The following OLFM3 variants were observed in gnomAD, a reference collection of about 807,000 sequenced individuals.
OLFM3 encodes the protein noelin-3.
OLFM3 carries 20 observed loss-of-function variants against 48.6 expected under a neutral mutation model. That is an observed-to-expected ratio of 0.41 (90% CI 0.29 to 0.60). OLFM3 has a LOEUF of 0.60. Ranked by LOEUF, OLFM3 falls within the 20% of genes least tolerant of loss-of-function variation. The pLI is 0.28. For missense variants in OLFM3, 437 were observed against 544.3 expected (o/e 0.80, Z 1.96); for synonymous variants, 222 against 198.1 (o/e 1.12, Z -1.01).
At chr1:101,913,740 T>C (rs780701544) in intron 1 of OLFM3, among the ~76,000 whole-genome samples, 11 of 151,370 alleles carry the variant, frequency 7.3e-5, no homozygotes, top group Non-Finnish European at 1.2e-4. Context: ...CTGATATCCC[T>C]GAGGCCATTA....
intron 1 of OLFM3, among the ~76,000 whole-genome samples, chr1:101,867,709 T>A (rs1466429615): frequency 6.6e-6 from 1 of 152,212 alleles, no homozygotes; most frequent in African/African-American, 2.4e-5. Context: ...ATTTAATTTA[T>A]AAATATTTCA....
At chr1:101,929,188 G>A (rs1659369117) in intron 1 of OLFM3, among the ~76,000 whole-genome samples, 1 of 152,044 alleles carries the variant, frequency 6.6e-6, no homozygotes, top group Non-Finnish European at 1.5e-5. Flanking sequence ...AATCATTCTG[G>A]CACTGTAAAA....
At chr1:101,913,198 C>G (rs1002158751) in intron 1 of OLFM3, among the ~76,000 whole-genome samples, 5 of 152,134 alleles carry the variant, frequency 3.3e-5, no homozygotes, top group Non-Finnish European at 5.9e-5. Flanking sequence ...TCTTCCCTCT[C>G]ATGAAAGGCT....
rs766764454 is a variant in OLFM3, at chr1:101,830,771, G to A, written c.273C>T (p.Phe91=). ...EVLNLRTQRD[F]QYVLKMETQM... ...GGGTTTCCATTTTTAAAACATATTG[G>A]AAATCTCTCTGAGTTCTCAAGTTTA... is the stretch of plus-strand genomic sequence containing the variant. Residue 91 remains phenylalanine, a synonymous_variant, in exon 3 of 6, where the codon TTC becomes TTT. Coordinates refer to ENST00000370103, the MANE Select transcript of OLFM3 (RefSeq NM_058170.4). 1 of 1,613,864 alleles carries A rather than the reference G, an allele frequency of 6.2e-7. No homozygotes were observed. The highest frequency in any genetic ancestry group is 1.1e-5 in the South Asian group (1 of 91,080).
intron 2 of OLFM3, 148 bp from the exon 3 acceptor site, chr1:101,830,975 T>C: frequency 1.6e-6 from 1 of 638,106 alleles, no homozygotes; most frequent in East Asian, 2.8e-5. Flanking sequence ...AGAAGAACAA[T>C]TCTTCATTAT....
At chr1:101,860,099 T>C (rs1656591726) in intron 1 of OLFM3, 1 of 151,962 alleles carries the variant, frequency 6.6e-6, no homozygotes, top group Admixed American at 6.6e-5. Flanking sequence ...CAAAGTGGGG[T>C]TGCGGGAAAG....
At chr1:101,922,352 A>T (rs1659124619) in intron 1 of OLFM3, among the ~76,000 whole-genome samples, 1 of 152,306 alleles carries the variant, frequency 6.6e-6, no homozygotes, top group East Asian at 1.9e-4. Flanking sequence ...TAGGAGTATA[A>T]CCAAGACTCA....
chr1:101,991,680 T>G (rs1661417219), intron 1 of OLFM3, among the ~76,000 whole-genome samples: 1 of 150,956 alleles, frequency 6.6e-6, no homozygotes, highest in African/African-American at 2.4e-5. Context: ...AATAAAATAC[T>G]TATGGCTGAA....
At chr1:101,978,265 T>C (rs1661008741) in intron 1 of OLFM3, among the ~76,000 whole-genome samples, 1 of 152,128 alleles carries the variant, frequency 6.6e-6, no homozygotes, top group African/African-American at 2.4e-5. Context: ...CAAGAAGTTA[T>C]TTATTATGAT....
chr1:101,832,105 A>AT (rs1282092374), intron 2 of OLFM3, among the ~76,000 whole-genome samples: 1 of 152,112 alleles, frequency 6.6e-6, no homozygotes, highest in African/African-American at 2.4e-5. Context: ...GTTTCATCAC[A>AT]TTGATGACTA....
At chr1:101,809,307 T>C (rs1356035544) in intron 4 of OLFM3, among the ~76,000 whole-genome samples, 2 of 151,744 alleles carry the variant, frequency 1.3e-5, no homozygotes, top group East Asian at 1.9e-4. Context: ...TAAGAGTAAA[T>C]TGAAATGGAA....
chr1:101,956,012 G>A (rs1660277169), intron 1 of OLFM3, among the ~76,000 whole-genome samples: 1 of 149,814 alleles, frequency 6.7e-6, no homozygotes, highest in Admixed American at 6.6e-5. Context: ...TACATTACTG[G>A]TCACCAAATT....
chr1:101,943,202 A>C (rs1171132777), intron 1 of OLFM3, among the ~76,000 whole-genome samples: 1 of 152,222 alleles, frequency 6.6e-6, no homozygotes, highest in East Asian at 1.9e-4. Context: ...TGTCTTAAAT[A>C]ATCCGGATGA....
At chr1:101,814,868 T>G (rs1170896573) in intron 4 of OLFM3, among the ~76,000 whole-genome samples, 1 of 152,186 alleles carries the variant, frequency 6.6e-6, no homozygotes, top group African/African-American at 2.4e-5. Flanking sequence ...AAATAATAGC[T>G]ATTATTATTG....
In OLFM3 at chr1:101,827,681, T is replaced by G. The variant is rs180991881; in HGVS notation, c.373-2436A>C. Among the ~76,000 whole-genome samples, 16 of 152,340 alleles carry G rather than the reference T, an allele frequency of 1.1e-4. No homozygotes were observed. In the East Asian group the frequency reaches 2.3e-3, roughly 22 times the overall value. On this transcript the variant is annotated intron_variant, in intron 3 of 5. Coordinates refer to ENST00000370103, the MANE Select transcript of OLFM3 (RefSeq NM_058170.4). ...ATGTTGAGCACCTAATTATTATTATTTGTAATTCAGAGACCTAAAGTCTAC... is the reference window on the plus strand; with the variant it reads ...ATGTTGAGCACCTAATTATTATTATGTGTAATTCAGAGACCTAAAGTCTAC...
At chr1:101,811,591 C>G (rs1180199485) in intron 4 of OLFM3, among the ~76,000 whole-genome samples, 1 of 152,152 alleles carries the variant, frequency 6.6e-6, no homozygotes, top group Non-Finnish European at 1.5e-5. Context: ...AAAAAATGCT[C>G]ATCATCACTG....
chr1:101,887,147 C>T (rs1328051649), intron 1 of OLFM3, among the ~76,000 whole-genome samples: 2 of 150,916 alleles, frequency 1.3e-5, no homozygotes, highest in African/African-American at 4.9e-5. Context: ...TTTGTATAAC[C>T]TCCTGGTGAG....
At chr1:101,910,864 T>C (rs909548780) in intron 1 of OLFM3, among the ~76,000 whole-genome samples, 2 of 152,214 alleles carry the variant, frequency 1.3e-5, no homozygotes, top group South Asian at 2.1e-4. Flanking sequence ...ATAACAGCTA[T>C]ATTTAAAGCT....
intron 3 of OLFM3, among the ~76,000 whole-genome samples, chr1:101,827,933 TC>T (rs1339913488): frequency 2.0e-5 from 3 of 152,130 alleles, no homozygotes; most frequent in African/African-American, 7.2e-5. Context: ...GGGGGTGGTT[TC>T]CCCCATGCTG....
Sources: allele counts gnomAD v4.1 joint callset (sites outside exome capture counted in the v4.1 genomes callset), GRCh38; gene constraint gnomAD v4.1.1; transcripts MANE v1.5; gene names NCBI Gene and HGNC (gene_info 2026-07-23, HGNC 2026-07-21).